The following SHANK2 variants were observed in gnomAD, a reference collection of about 807,000 sequenced individuals.
The protein encoded by SHANK2 is SH3 and multiple ankyrin repeat domains protein 2.
Under a neutral mutation model 133.7 loss-of-function variants are expected in SHANK2, and 43 were observed. That is an observed-to-expected ratio of 0.32 (90% confidence interval 0.25 to 0.41). The LOEUF (loss-of-function observed/expected upper bound fraction) is 0.41, where lower values mean the gene tolerates loss of function less well. Among genes scored for constraint, SHANK2 ranks in the 10% least tolerant of loss-of-function variants. The pLI, the probability that SHANK2 is intolerant of heterozygous loss-of-function variation, is 1.00. For missense variants in SHANK2, 1,994 were observed against 2,235.8 expected (o/e 0.89, Z 2.18); for synonymous variants, 1,017 against 952.8 (o/e 1.07, Z -1.24).
At chr11:70,623,111 G>A (rs1554998482) in intron 17 of SHANK2, among the ~76,000 whole-genome samples, 1 of 152,064 alleles carries the variant, frequency 6.6e-6, no homozygotes, top group Non-Finnish European at 1.5e-5. Context: ...GGGAGGCGGA[G>A]TTTGCAGTGA....
At chr11:70,703,349 G>A (rs1325836011) in intron 14 of SHANK2, among the ~76,000 whole-genome samples, 1 of 152,232 alleles carries the variant, frequency 6.6e-6, no homozygotes, top group Non-Finnish European at 1.5e-5. Context: ...CTGGGAGGTG[G>A]CATCTCATGA....
intron 6 of SHANK2, among the ~76,000 whole-genome samples, chr11:71,100,818 G>A (rs1338102816): frequency 6.8e-6 from 1 of 147,750 alleles, no homozygotes; most frequent in African/African-American, 2.5e-5. Flanking sequence ...AGTGAGCTGA[G>A]ATCACACCAC....
intron 17 of SHANK2, among the ~76,000 whole-genome samples, chr11:70,539,478 C>T (rs2059586342): frequency 6.6e-6 from 1 of 152,186 alleles, no homozygotes; most frequent in Non-Finnish European, 1.5e-5. Context: ...TTAGGGCACA[C>T]AGAAAGCTCA....
rs1950201955 is a variant in SHANK2 at position 70,912,106 on chromosome 11, A to G, written c.1108-15539T>C. On this transcript the variant is annotated intron_variant, in intron 10 of 25. Transcript: ENST00000601538. The stretch of plus-strand genomic sequence containing the variant: ...AAAAAAAAAAAAAAAAAAAAAAAAA[A>G]AAAAAAAAAGAAAGAAAGAAAGAAA... 2.5e-5 allele frequency among the ~76,000 whole-genome samples: 3 copies of G among 119,208 alleles called. No homozygotes were observed. The South Asian group carries it at 8.8e-4, about 35-fold the overall frequency. 78.2% of individuals were successfully genotyped at this position (119,208 alleles called of 152,430 possible).
At chr11:71,088,818 C>A (rs1045778251) in intron 8 of SHANK2, among the ~76,000 whole-genome samples, 2 of 149,424 alleles carry the variant, frequency 1.3e-5, no homozygotes, top group African/African-American at 5.0e-5. Context: ...GGCTGCCCCT[C>A]GTCCTGAACT....
intron 11 of SHANK2, among the ~76,000 whole-genome samples, chr11:70,851,661 T>G (rs993193172): frequency 1.3e-5 from 2 of 152,212 alleles, no homozygotes; most frequent in East Asian, 1.9e-4. Flanking sequence ...CTAGCTGGAC[T>G]TTTATGGAAA....
At chr11:70,928,167 T>G (rs574324831) in intron 10 of SHANK2, among the ~76,000 whole-genome samples, 1 of 152,174 alleles carries the variant, frequency 6.6e-6, no homozygotes, top group Non-Finnish European at 1.5e-5. Context: ...ACAAACTGCA[T>G]GCCCTGAAAC....
chr11:70,490,144 G>A, intron 23 of SHANK2, 132 bp downstream of exon 23: 1 of 735,912 alleles, frequency 1.4e-6, no homozygotes, highest in Non-Finnish European at 2.4e-6. Context: ...TGGTGGGTGG[G>A]CTGGCAGGGC....
chr11:70,624,186 C>T (rs1440051484), intron 17 of SHANK2, among the ~76,000 whole-genome samples: 14 of 152,186 alleles, frequency 9.2e-5, no homozygotes, highest in Admixed American at 8.5e-4. Context: ...GCAGGACTAA[C>T]GGACACCATG....
At chr11:71,085,397 A>C (rs1474194287) in intron 8 of SHANK2, among the ~76,000 whole-genome samples, 3 of 145,984 alleles carry the variant, frequency 2.1e-5, no homozygotes, top group Non-Finnish European at 4.5e-5. Context: ...CGGAGGTTGC[A>C]ATCAGCCAAG....
chr11:71,233,275 G>A (rs945369357), intron 1 of SHANK2, among the ~76,000 whole-genome samples: 7 of 152,170 alleles, frequency 4.6e-5, no homozygotes, highest in African/African-American at 1.2e-4. Flanking sequence ...AAAATGGAAC[G>A]TGATTCAGCC....
intron 5 of SHANK2, 91 bp downstream of exon 5, chr11:71,113,202 C>T: frequency 8.5e-7 from 1 of 1,182,696 alleles, no homozygotes; most frequent in Non-Finnish European, 1.2e-6. Context: ...GCAGGTGCCC[C>T]TGGAAGAGGA....
chr11:71,221,466 C>A (rs1212331720), intron 2 of SHANK2, among the ~76,000 whole-genome samples: 1 of 152,072 alleles, frequency 6.6e-6, no homozygotes, highest in Non-Finnish European at 1.5e-5. Flanking sequence ...GTTTCCCCAC[C>A]CAGGAGGGTG....
chr11:70,556,393 TTCTCTCTCTC>T (rs1157375439), intron 17 of SHANK2, among the ~76,000 whole-genome samples: 1 of 11,962 alleles, frequency 8.4e-5, no homozygotes, highest in African/African-American at 2.1e-4. Context: ...CTTTCTTTCT[TTCTCTCTCTC>T]TCTCTCTCTC....
At chr11:70,932,258 A>G (rs1950513877) in intron 10 of SHANK2, among the ~76,000 whole-genome samples, 1 of 152,256 alleles carries the variant, frequency 6.6e-6, no homozygotes, top group African/African-American at 2.4e-5. Flanking sequence ...TGTCTCTGAT[A>G]ACAGCCACGG....
At chr11:70,513,883 T>A (rs1374746922) in intron 17 of SHANK2, among the ~76,000 whole-genome samples, 1 of 151,960 alleles carries the variant, frequency 6.6e-6, no homozygotes, top group African/African-American at 2.4e-5. Context: ...AGGTCTAACA[T>A]AACGTGAACG....
chr11:70,929,729 A>G (rs782042107), intron 10 of SHANK2, among the ~76,000 whole-genome samples: 4 of 152,224 alleles, frequency 2.6e-5, no homozygotes, highest in African/African-American at 4.8e-5. Flanking sequence ...CTCAAACTTC[A>G]TCACATCTGC....
At chr11:70,622,737 G>A (rs1247661287) in intron 17 of SHANK2, among the ~76,000 whole-genome samples, 1 of 152,182 alleles carries the variant, frequency 6.6e-6, no homozygotes, top group East Asian at 1.9e-4. Flanking sequence ...GAGATTCCCA[G>A]TGGACACAGT....
chr11:70,926,012 A>T (rs1950422775), intron 10 of SHANK2, among the ~76,000 whole-genome samples: 1 of 151,990 alleles, frequency 6.6e-6, no homozygotes. Flanking sequence ...GGTGGCTCCC[A>T]TCTGTAATCC....
Sources: allele counts gnomAD v4.1 joint callset (sites outside exome capture counted in the v4.1 genomes callset), GRCh38; gene constraint gnomAD v4.1.1; transcripts MANE v1.5; gene names NCBI Gene and HGNC (gene_info 2026-07-23, HGNC 2026-07-21).